Variants in VPS13D observed in about 807,000 individuals in gnomAD.
VPS13D encodes vacuolar protein sorting 13 homolog D, also known as intermembrane lipid transfer protein VPS13D.
VPS13D carries 187 observed loss-of-function variants against 461.9 expected under a neutral mutation model. The observed-to-expected ratio is 0.40, with a 90% CI of 0.36 to 0.46. The LOEUF (loss-of-function observed/expected upper bound fraction) is 0.46, where lower values mean the gene tolerates loss of function less well. Ranked by LOEUF, VPS13D falls within the 20% of genes least tolerant of loss-of-function variation. The pLI, the probability that VPS13D is intolerant of heterozygous loss-of-function variation, is 0.60. For synonymous variants in VPS13D, 1,951 were observed against 1,986.3 expected, an observed-to-expected ratio of 0.98 and a Z score of 0.47; for missense variants, 4,711 against 5,364.9, an observed-to-expected ratio of 0.88 and a Z score of 3.81.
intron 44 of VPS13D, among the ~76,000 whole-genome samples, chr1:12,348,191 A>G (rs1183710315): frequency 6.6e-6 from 1 of 152,262 alleles, no homozygotes; most frequent in Non-Finnish European, 1.5e-5. Flanking sequence ...TGGATTTTAC[A>G]AAGACAAATG....
chr1:12,374,175 CATTTT>C (rs1401197989), intron 55 of VPS13D, among the ~76,000 whole-genome samples: 4 of 152,168 alleles, frequency 2.6e-5, no homozygotes, highest in Non-Finnish European at 4.4e-5. Context: ...ATAATTGTAA[CATTTT>C]ATATAACATT....
intron 18 of VPS13D, among the ~76,000 whole-genome samples, chr1:12,274,946 C>T (rs1557678914): frequency 6.7e-6 from 1 of 149,800 alleles, no homozygotes; most frequent in Non-Finnish European, 1.5e-5. Flanking sequence ...TGGCCAGGTG[C>T]GGTGGCTCAC....
Position 12,416,799 on chromosome 1 carries a change from C to T in VPS13D, c.12305C>T (p.Thr4102Ile). The T allele has an allele frequency of 6.2e-7, 1 of 1,613,068 alleles. No homozygotes were observed. Among genetic ancestry groups the T allele is most frequent in the Admixed American group, 1.7e-5 (1 of 59,740 alleles). Residue 4102 changes from threonine to isoleucine, a missense_variant, in exon 65 of 70, where the codon ACA (threonine) becomes ATA (isoleucine). Physicochemically the swap from Thr to Ile is moderately conservative, Grantham distance 89. Coordinates refer to ENST00000620676, the MANE Select transcript of VPS13D (RefSeq NM_015378.4). ...GNVGGLIRNV[T>I]HGVSNSAAKF... is the part of the protein sequence containing the mutation. Reference sequence around the variant, plus strand: ...GTCGGGGGCCTCATCAGAAATGTTACACACGGAGTATCAAACTCTGCTGCC... The same window carrying T: ...GTCGGGGGCCTCATCAGAAATGTTATACACGGAGTATCAAACTCTGCTGCC...
chr1:12,301,043 T>A (rs1238581118), intron 25 of VPS13D, among the ~76,000 whole-genome samples: 6 of 152,172 alleles, frequency 3.9e-5, no homozygotes, highest in Admixed American at 2.6e-4. Flanking sequence ...GTATGTAAGA[T>A]TTGATTGTAA....
chr1:12,485,509 G>A (rs886479790), intron 67 of VPS13D, among the ~76,000 whole-genome samples: 1 of 152,220 alleles, frequency 6.6e-6, no homozygotes, highest in African/African-American at 2.4e-5. Flanking sequence ...CAGCAAATCC[G>A]TTGAGTGCAT....
intron 65 of VPS13D, among the ~76,000 whole-genome samples, chr1:12,439,235 T>C (rs1645099658): frequency 6.6e-6 from 1 of 152,158 alleles, no homozygotes; most frequent in Non-Finnish European, 1.5e-5. Flanking sequence ...GGTGCCTCAC[T>C]GTCTCACCAC....
Position 12,275,818 on chromosome 1 carries a change from T to A in VPS13D, c.2237-7T>A, listed in dbSNP as rs1008003260. ...ATATATTTGAATCTTCTTTTTTTTA[T>A]CTTCAGATAACTCCAGGAGGAAAAG... is the stretch of plus-strand genomic sequence containing the variant. On this transcript the variant is annotated splice_region_variant and splice_polypyrimidine_tract_variant and intron_variant, in intron 18 of 69. Coordinates refer to ENST00000620676, the MANE Select transcript of VPS13D (RefSeq NM_015378.4). 1 of 1,552,756 alleles carries A rather than the reference T, an allele frequency of 6.4e-7. No individual in the cohort carries two copies. Among genetic ancestry groups the A allele is most frequent in the African/African-American group, 1.4e-5 (1 of 71,978 alleles).
At chr1:12,500,895 C>G (rs961255266) in intron 68 of VPS13D, among the ~76,000 whole-genome samples, 1 of 151,258 alleles carries the variant, frequency 6.6e-6, no homozygotes, top group Non-Finnish European at 1.5e-5. Flanking sequence ...AAACCCCATC[C>G]ATACAAAAGT....
chr1:12,504,950 G>C (rs920586306), intron 68 of VPS13D, among the ~76,000 whole-genome samples: 11 of 151,964 alleles, frequency 7.2e-5, no homozygotes, highest in Non-Finnish European at 1.5e-4. Flanking sequence ...GGGGCTGGGG[G>C]CTGGGGGCTG....
In VPS13D at chr1:12,343,050, A is replaced by C. The variant is rs1363708069; in HGVS notation, c.8884A>C (p.Arg2962=). ...EFEARGKLRH[R]HTHDLRIHQL... ...TGAAGCAAGAGGAAAGTTAAGACAC[A>C]GGTAAAGTATGGTTTATTCTTTTCT... is the stretch of plus-strand genomic sequence containing the variant. The change falls in exon 42 of 70, where the codon AGA becomes CGA. Residue 2962 remains arginine, a splice_region_variant and synonymous_variant. Coordinates refer to ENST00000620676, the MANE Select transcript of VPS13D (RefSeq NM_015378.4). The C allele has an allele frequency of 6.2e-7, 1 of 1,610,534 alleles. No individual in the cohort carries two copies. Among genetic ancestry groups the C allele is most frequent in the Non-Finnish European group, 8.5e-7 (1 of 1,177,444 alleles).
chr1:12,376,155 A>C (rs1488984514), intron 55 of VPS13D, among the ~76,000 whole-genome samples: 8 of 152,236 alleles, frequency 5.3e-5, no homozygotes, highest in Admixed American at 5.2e-4. Flanking sequence ...TGCTGTGCAG[A>C]GATGCTTTCT....
chr1:12,365,839 A>G (rs1190157862), intron 52 of VPS13D, among the ~76,000 whole-genome samples: 1 of 152,218 alleles, frequency 6.6e-6, no homozygotes, highest in African/African-American at 2.4e-5. Context: ...GAACACTATT[A>G]CAAAGGAACA....
At chr1:12,413,833 G>A (rs547667247) in intron 63 of VPS13D, among the ~76,000 whole-genome samples, 1 of 151,776 alleles carries the variant, frequency 6.6e-6, no homozygotes, top group South Asian at 2.1e-4. Context: ...GTGTAGAATA[G>A]CAAGGGATCT....
chr1:12,287,101 T>C (rs565837478), intron 21 of VPS13D, among the ~76,000 whole-genome samples: 1 of 152,272 alleles, frequency 6.6e-6, no homozygotes, highest in Admixed American at 6.5e-5. Context: ...CCTCAAGTGA[T>C]CATCCTGCCT....
intron 65 of VPS13D, among the ~76,000 whole-genome samples, chr1:12,424,064 T>C (rs1226658246): frequency 3.9e-5 from 6 of 152,200 alleles, no homozygotes. Context: ...TCCATGTACC[T>C]ATAAGCAAGT....
In VPS13D at chr1:12,304,636, G is replaced by A. The variant is rs765324373; in HGVS notation, c.6347G>A (p.Gly2116Glu). The A allele has an allele frequency of 1.2e-6, 2 of 1,614,086 alleles. No individual in the cohort carries two copies. Among genetic ancestry groups the A allele is most frequent in the South Asian group, 2.2e-5 (2 of 91,078 alleles). ...ATGCCTCTTGCTGGAATGAGCCTAG[G>A]AAGCCTGAAGAGTGAGTTTGTGCCC... ...FTMPLAGMSL[G>E]SLKSEFVPST... The change falls in exon 26 of 70, where the codon GGA (glycine) becomes GAA (glutamate). Residue 2116 changes from glycine to glutamate, a missense_variant. By Grantham distance (98) the Gly-to-Glu change is moderately conservative (BLOSUM62 -2). This residue lies in a region of VPS13D where 4,411 missense variants were observed against 4,937.8 expected (regional missense o/e 0.89). Transcript: ENST00000620676.
At chr1:12,253,350 A>G (rs760732827) in intron 6 of VPS13D, among the ~76,000 whole-genome samples, 1 of 151,854 alleles carries the variant, frequency 6.6e-6, no homozygotes, top group Non-Finnish European at 1.5e-5. Context: ...CCTGGAACCA[A>G]CTCCCTGCTG....
intron 65 of VPS13D, among the ~76,000 whole-genome samples, chr1:12,442,433 C>T (rs1227619101): frequency 6.6e-6 from 1 of 152,164 alleles, no homozygotes; most frequent in African/African-American, 2.4e-5. Flanking sequence ...ACTAAAGTTA[C>T]ATGAAACAAA....
chr1:12,340,747 C>T (rs1261209870), intron 40 of VPS13D, among the ~76,000 whole-genome samples: 2 of 152,228 alleles, frequency 1.3e-5, no homozygotes, highest in African/African-American at 4.8e-5. Flanking sequence ...ATGCTAGACA[C>T]ATAAGAAGAT....
Sources: allele counts gnomAD v4.1 joint callset (sites outside exome capture counted in the v4.1 genomes callset), GRCh38; gene constraint gnomAD v4.1.1; regional missense constraint gnomAD v4.1.1; transcripts MANE v1.5; gene names NCBI Gene and HGNC (gene_info 2026-07-23, HGNC 2026-07-21).